RBPMS: variants seen among roughly 807,000 people sequenced by gnomAD.
RBPMS encodes the protein RNA-binding protein with multiple splicing.
In RBPMS, 7 loss-of-function variants were observed where a neutral mutation model predicts 26.8. The observed-to-expected ratio is 0.26, with a 90% CI of 0.15 to 0.49. The LOEUF is 0.49. Among genes scored for constraint, RBPMS ranks in the 20% least tolerant of loss-of-function variants. The pLI, the probability that RBPMS is intolerant of heterozygous loss-of-function variation, is 0.98. For missense variants in RBPMS, 186 were observed against 250.0 expected (o/e 0.74, Z 1.73); for synonymous variants, 96 against 93.3 (o/e 1.03, Z -0.17).
chr8:30,549,626 G>T, intron 6 of RBPMS: 1 of 1,507,314 alleles, frequency 6.6e-7, no homozygotes, highest in South Asian at 1.1e-5. Context: ...TCTCACAGGA[G>T]GAGGGGCGGA....
At chr8:30,482,665 C>A (rs1180950789) in intron 4 of RBPMS, among the ~76,000 whole-genome samples, 1 of 152,156 alleles carries the variant, frequency 6.6e-6, no homozygotes, top group Non-Finnish European at 1.5e-5. Flanking sequence ...AGCAAAAAGT[C>A]CCACGTTAGG....
chr8:30,572,202 A>G lies in RBPMS; in HGVS notation c.*1677A>G, dbSNP rs773262721. 6.6e-6 allele frequency: 1 copy of G among 152,202 alleles called. No individual in the cohort carries two copies. Among genetic ancestry groups the G allele is most frequent in the Non-Finnish European group, 1.5e-5 (1 of 68,042 alleles). The allele number at this position is 152,202 out of a possible 1,614,324, so 9.4% of individuals were successfully genotyped here. ...GTCTATTATGCTTTTATAACTGTTT[A>G]AAGGTACTTTTCTATTGTCATTTTT... On this transcript the variant is annotated 3_prime_UTR_variant, in exon 9 of 9. Transcript: ENST00000397323.
intron 1 of RBPMS, among the ~76,000 whole-genome samples, chr8:30,446,531 C>T (rs917046997): frequency 2.6e-5 from 4 of 152,134 alleles, no homozygotes; most frequent in African/African-American, 9.7e-5. Flanking sequence ...CACGTGGATG[C>T]AGTATGATAG....
intron 6 of RBPMS, chr8:30,545,021 C>T (rs1022288988): frequency 3.5e-6 from 5 of 1,425,438 alleles, no homozygotes; most frequent in Non-Finnish European, 3.7e-6. Flanking sequence ...TGCGTCTGTG[C>T]GTGTTTCTGT....
rs540644531 is a variant in RBPMS at position 30,487,758 on chromosome 8, ATCTAG to A, written c.246+8382_246+8386del. Among the ~76,000 whole-genome samples the A allele has an allele frequency of 8.7e-4, 132 of 152,238 alleles. 1 individual carries two copies. The highest frequency in any genetic ancestry group is 3.0e-3 in the African/African-American group (126 of 41,580). On this transcript the variant is annotated intron_variant, in intron 4 of 8. Transcript: ENST00000397323. ...AATTTTAGTGAACATTATTAGACTA[ATCTAG>A]AATCTAAAAGATAATAAAATCTGTT...
At chr8:30,503,678 G>A (rs1308933607) in intron 4 of RBPMS, among the ~76,000 whole-genome samples, 28 of 152,098 alleles carry the variant, frequency 1.8e-4, no homozygotes, top group Admixed American at 1.8e-3. Context: ...GTGTTCTTAG[G>A]AGACTCGTTT....
At position 30,384,775 on chromosome 8, in the gene RBPMS, C is replaced by G; in HGVS notation, c.-318C>G. ...CTTCCTTCCTTCCTTCTTCCTTCCTCCCCTGGCTCCCGCCCTCCCTCTCCA... is the reference window on the plus strand; with the variant it reads ...CTTCCTTCCTTCCTTCTTCCTTCCTGCCCTGGCTCCCGCCCTCCCTCTCCA... On this transcript the variant is annotated 5_prime_UTR_variant, in exon 1 of 9. Transcript: ENST00000397323. The surrounding 1 kb of genome is among the most constrained non-coding windows in gnomAD (Gnocchi z 5.6). 1 of 261,224 alleles carries G rather than the reference C, an allele frequency of 3.8e-6. No individual in the cohort carries two copies. The highest frequency in any genetic ancestry group is 7.2e-6 in the Non-Finnish European group (1 of 138,774). 16.2% of individuals were successfully genotyped at this position (261,224 alleles called of 1,614,324 possible). A position where few individuals can be genotyped will look rare whatever the true frequency, so the allele number is the denominator to read the frequency against.
At chr8:30,550,511 C>T (rs1267261443) in intron 6 of RBPMS, among the ~76,000 whole-genome samples, 1 of 152,212 alleles carries the variant, frequency 6.6e-6, no homozygotes, top group Non-Finnish European at 1.5e-5. Context: ...CCTAAGCTAC[C>T]CACAAGGCCG....
At chr8:30,498,780 G>C (rs1025687587) in intron 4 of RBPMS, among the ~76,000 whole-genome samples, 4 of 152,126 alleles carry the variant, frequency 2.6e-5, no homozygotes, top group Non-Finnish European at 5.9e-5. Context: ...GTTACACATA[G>C]GCAAAGGAGA....
chr8:30,441,570 G>A (rs1474007064), intron 1 of RBPMS, among the ~76,000 whole-genome samples: 2 of 152,048 alleles, frequency 1.3e-5, no homozygotes, highest in Non-Finnish European at 1.5e-5. Flanking sequence ...CAGTCAAGAA[G>A]ATGGATAAGG....
In RBPMS at chr8:30,486,128, C is replaced by T. The variant is rs148567836; in HGVS notation, c.246+6751C>T. Among the ~76,000 whole-genome samples the T allele has an allele frequency of 8.3e-3, 1,271 of 152,216 alleles. 22 individuals are homozygous for T. The highest frequency in any genetic ancestry group is 0.028 in the African/African-American group (1,179 of 41,528). ...TTGGGAGGCTGAGGTGGGCAGATCA[C>T]CTGAGGTCAGGAGTTCAAGACCAGC... is the stretch of plus-strand genomic sequence containing the variant. On this transcript the variant is annotated intron_variant, in intron 4 of 8. Transcript: ENST00000397323.
At chr8:30,563,483 G>A (rs553935413) in intron 7 of RBPMS, among the ~76,000 whole-genome samples, 2 of 152,316 alleles carry the variant, frequency 1.3e-5, no homozygotes, top group African/African-American at 4.8e-5. Context: ...AAGAACCAGC[G>A]TTTGGGAGCC....
At chr8:30,425,896 T>A (rs1003202242) in intron 1 of RBPMS, among the ~76,000 whole-genome samples, 1 of 152,170 alleles carries the variant, frequency 6.6e-6, no homozygotes, top group African/African-American at 2.4e-5. Context: ...TTAACTTGCC[T>A]GAGGTCACAC....
At chr8:30,386,402 G>C (rs79472506) in intron 1 of RBPMS, among the ~76,000 whole-genome samples, 4,725 of 152,250 alleles carry the variant, frequency 0.031, 131 homozygotes, top group South Asian at 0.12. Context: ...AAAATAAATA[G>C]GAGATTTTAC....
At chr8:30,568,593 T>C (rs1828054838) in intron 8 of RBPMS, among the ~76,000 whole-genome samples, 1 of 152,244 alleles carries the variant, frequency 6.6e-6, no homozygotes, top group Non-Finnish European at 1.5e-5. Flanking sequence ...TTCCCTGTCT[T>C]GACGTCCCAT....
chr8:30,511,482 AAAAAATATATATATATATAT>A (rs1348954500), intron 5 of RBPMS, among the ~76,000 whole-genome samples: 8 of 6,792 alleles, frequency 1.2e-3, no homozygotes, highest in East Asian at 8.8e-3. Flanking sequence ...AAAAAAAAAA[AAAAAATATATATATATATAT>A]ATATATATAT....
intron 1 of RBPMS, among the ~76,000 whole-genome samples, chr8:30,459,217 CT>C (rs1286044204): frequency 6.6e-6 from 1 of 152,032 alleles, no homozygotes; most frequent in Admixed American, 6.5e-5. Context: ...CCATCTTGGC[CT>C]CCCAAAGTGC....
intron 6 of RBPMS, among the ~76,000 whole-genome samples, chr8:30,550,829 G>A (rs921650422): frequency 6.6e-6 from 1 of 152,212 alleles, no homozygotes; most frequent in South Asian, 2.1e-4. Flanking sequence ...GGTGGAGGGG[G>A]CTGGGCAGCT....
rs750332291 is a variant in RBPMS at position 30,522,666 on chromosome 8, A to G, written c.397+18230A>G. Among the ~76,000 whole-genome samples the G allele has an allele frequency of 2.0e-5, 3 of 152,210 alleles. 1 individual carries two copies. The highest frequency in any genetic ancestry group is 2.0e-4 in the Admixed American group (3 of 15,282). On this transcript the variant is annotated intron_variant, in intron 5 of 8. Coordinates refer to ENST00000397323, the MANE Select transcript of RBPMS (RefSeq NM_001008710.3). ...TATATTTATGATATTGATTGTAGTG[A>G]GAGTTTCATAGGTATATACTTATCT... is the stretch of plus-strand genomic sequence containing the variant.
Sources: gnomAD v4.1 joint callset for allele counts (sites outside exome capture counted in the v4.1 genomes callset) on GRCh38, gnomAD v4.1.1 for gene constraint, Gnocchi (gnomAD v3.1) non-coding constraint, MANE v1.5 for transcripts, NCBI Gene and HGNC (gene_info 2026-07-23, HGNC 2026-07-21) for gene names.